The following ATRNL1 variants were observed in gnomAD, a reference collection of about 807,000 sequenced individuals.
ATRNL1 encodes attractin like 1.
In ATRNL1, 95 loss-of-function variants were observed where a neutral mutation model predicts 182.7. That is an observed-to-expected ratio of 0.52 (90% CI 0.44 to 0.62). The LOEUF (loss-of-function observed/expected upper bound fraction) is 0.62. ATRNL1 is among the 20% of genes least tolerant of loss of function. The pLI is 0.00. For synonymous variants in ATRNL1, 576 were observed against 568.3 expected (o/e 1.01, Z -0.19); for missense variants, 1,471 against 1,679.5 (o/e 0.88, Z 2.17).
At position 115,310,576 on chromosome 10, in the gene ATRNL1, C is replaced by T. The variant is rs145348915; in HGVS notation, c.2819-4942C>T. The stretch of plus-strand genomic sequence containing the variant: ...TTAAGCTAGGAGAGTTGTGTGTTTC[C>T]AGGAATTTTTCCATTTCCACTAGAT... On this transcript the variant is annotated intron_variant, in intron 17 of 28. Transcript: ENST00000355044. 4.2e-3 allele frequency among the ~76,000 whole-genome samples: 642 copies of T among 152,116 alleles called. 4 individuals are homozygous for T. The highest frequency in any genetic ancestry group is 0.014 in the African/African-American group (595 of 41,490).
At chr10:115,720,105 T>C (rs141013008) in intron 26 of ATRNL1, among the ~76,000 whole-genome samples, 12 of 152,074 alleles carry the variant, frequency 7.9e-5, no homozygotes, top group African/African-American at 2.9e-4. Context: ...TCAGGTGATC[T>C]GCCCGCCTTG....
intron 27 of ATRNL1, among the ~76,000 whole-genome samples, chr10:115,789,162 T>C (rs1949467602): frequency 6.6e-6 from 1 of 152,216 alleles, no homozygotes; most frequent in Admixed American, 6.5e-5. Flanking sequence ...GGTTTTGGTG[T>C]TGAAGTCCCT....
chr10:115,374,448 C>T (rs1013644661), intron 19 of ATRNL1, among the ~76,000 whole-genome samples: 5 of 127,180 alleles, frequency 3.9e-5, no homozygotes, highest in South Asian at 5.2e-4. Context: ...CTTCTCCTTC[C>T]TTCCTTTCCT....
intron 1 of ATRNL1, among the ~76,000 whole-genome samples, chr10:115,105,925 C>G (rs1425091951): frequency 6.6e-6 from 1 of 152,152 alleles, no homozygotes; most frequent in Non-Finnish European, 1.5e-5. Flanking sequence ...GTTGGAGCCC[C>G]CACACAGAGT....
chr10:115,734,086 T>A (rs948135741), intron 27 of ATRNL1, among the ~76,000 whole-genome samples: 1 of 152,274 alleles, frequency 6.6e-6, no homozygotes, highest in South Asian at 2.1e-4. Context: ...TGGTATATCA[T>A]CATTTATTTG....
At chr10:115,730,549 G>C (rs1264606193) in intron 27 of ATRNL1, among the ~76,000 whole-genome samples, 2 of 151,924 alleles carry the variant, frequency 1.3e-5, no homozygotes, top group Non-Finnish European at 2.9e-5. Context: ...GTCCATATGT[G>C]TGTGTATGTG....
chr10:115,591,509 T>C (rs1855903804), intron 26 of ATRNL1, among the ~76,000 whole-genome samples: 1 of 152,172 alleles, frequency 6.6e-6, no homozygotes, highest in Non-Finnish European at 1.5e-5. Flanking sequence ...TGTCCATAAA[T>C]TTTCTTGGAA....
In ATRNL1 at chr10:115,413,173, G is replaced by T. The variant is rs540952958; in HGVS notation, c.3270-13077G>T. Among the ~76,000 whole-genome samples the T allele has an allele frequency of 9.2e-5, 14 of 152,136 alleles. No homozygotes were observed. In the East Asian group the frequency reaches 2.7e-3, roughly 29 times the overall value. On this transcript the variant is annotated intron_variant, in intron 20 of 28. Transcript: ENST00000355044. ...TAAGTAATATTTTATACATTTGTTT[G>T]GGATTTCATCTGTTTTATCCTTTGT...
At chr10:115,144,208 C>T (rs1592161565) in intron 5 of ATRNL1, among the ~76,000 whole-genome samples, 1 of 151,638 alleles carries the variant, frequency 6.6e-6, no homozygotes, top group African/African-American at 2.4e-5. Context: ...AGTGCAGTGG[C>T]GCGATCTCGG....
chr10:115,712,834 C>T (rs1276769046), intron 26 of ATRNL1, among the ~76,000 whole-genome samples: 5 of 150,642 alleles, frequency 3.3e-5, no homozygotes, highest in African/African-American at 1.2e-4. Context: ...TGCCACTTAA[C>T]TCCAGGCTGG....
At chr10:115,731,303 A>T (rs1312790424) in intron 27 of ATRNL1, among the ~76,000 whole-genome samples, 1 of 152,170 alleles carries the variant, frequency 6.6e-6, no homozygotes, top group African/African-American at 2.4e-5. Context: ...ACTGTGGCCC[A>T]TATTATCTCC....
chr10:115,941,009 A>G (rs1555124133), intron 28 of ATRNL1, among the ~76,000 whole-genome samples: 1 of 152,204 alleles, frequency 6.6e-6, no homozygotes, highest in African/African-American at 2.4e-5. Context: ...GGGTCCAGTA[A>G]AGGACCTAAG....
chr10:115,418,507 T>C (rs1463696625), intron 20 of ATRNL1, among the ~76,000 whole-genome samples: 1 of 151,810 alleles, frequency 6.6e-6, no homozygotes, highest in Admixed American at 6.6e-5. Context: ...AAGAAGGAGT[T>C]GAGAGACAAA....
chr10:115,803,744 G>T (rs1949853596), intron 27 of ATRNL1, among the ~76,000 whole-genome samples: 1 of 151,712 alleles, frequency 6.6e-6, no homozygotes, highest in Admixed American at 6.6e-5. Context: ...TTTAACCATG[G>T]TTACTAACAT....
intron 9 of ATRNL1, among the ~76,000 whole-genome samples, chr10:115,216,872 ATTT>A (rs1849255131): frequency 6.6e-6 from 1 of 151,686 alleles, no homozygotes; most frequent in Non-Finnish European, 1.5e-5. Context: ...TCTTTTGGTA[ATTT>A]TGATAATTCT....
intron 19 of ATRNL1, among the ~76,000 whole-genome samples, chr10:115,370,773 C>G (rs898801623): frequency 7.2e-5 from 11 of 152,172 alleles, no homozygotes; most frequent in African/African-American, 2.7e-4. Flanking sequence ...AAATTCAAGC[C>G]AGCTGCAGAA....
intron 19 of ATRNL1, among the ~76,000 whole-genome samples, chr10:115,338,739 C>T (rs930645543): frequency 6.6e-6 from 1 of 151,986 alleles, no homozygotes; most frequent in African/African-American, 2.4e-5. Context: ...TGTTGTAATC[C>T]CATTTGTCCG....
Position 115,265,248 on chromosome 10 carries a change from A to G in ATRNL1, c.1743A>G (p.Arg581=). The G allele has an allele frequency of 1.2e-6, 2 of 1,608,332 alleles. No individual in the cohort carries two copies. Among genetic ancestry groups the G allele is most frequent in the Non-Finnish European group, 1.7e-6 (2 of 1,176,498 alleles). Residue 581 remains arginine (R), a synonymous_variant, in exon 11 of 29, where the codon AGA becomes AGG. Transcript: ENST00000355044. ...CAAATCTTCATAGAGATGTCAACAG[A>G]TTTGGACACTCTGCAGTAGTCATTA... ...PKPNLHRDVN[R]FGHSAVVING... is the part of the protein sequence containing the mutation.
chr10:115,219,915 A>AAG (rs576113531), intron 9 of ATRNL1, among the ~76,000 whole-genome samples: 176 of 151,756 alleles, frequency 1.2e-3, no homozygotes, highest in Non-Finnish European at 2.2e-3. Flanking sequence ...AAAAACAAAA[A>AAG]AGAGAGAGAG....
Sources: gnomAD v4.1 joint callset for allele counts (sites outside exome capture counted in the v4.1 genomes callset) on GRCh38, gnomAD v4.1.1 for gene constraint, MANE v1.5 for transcripts, NCBI Gene and HGNC (gene_info 2026-07-23, HGNC 2026-07-21) for gene names.